Variants in DPP10 observed in about 807,000 individuals in gnomAD.
DPP10 encodes the protein inactive dipeptidyl peptidase 10.
Under a neutral mutation model 120.9 loss-of-function variants are expected in DPP10, and 33 were observed. That is an observed-to-expected ratio of 0.27 (90% CI 0.21 to 0.37). The LOEUF is 0.37. Ranked by LOEUF, DPP10 falls within the 10% of genes least tolerant of loss-of-function variation. The probability of loss-of-function intolerance (pLI) is 1.00; values close to 1 mark genes in which losing one functional copy is unlikely to be tolerated. For synonymous variants in DPP10, 337 were observed against 326.1 expected, an observed-to-expected ratio of 1.03 and a Z score of -0.36; for missense variants, 816 against 942.8, an observed-to-expected ratio of 0.87 and a Z score of 1.76.
At chr2:114,877,819 T>A (rs1691280767) in intron 1 of DPP10, among the ~76,000 whole-genome samples, 2 of 152,092 alleles carry the variant, frequency 1.3e-5, no homozygotes, top group African/African-American at 4.8e-5. Context: ...TGTGGGGGGC[T>A]CTTCTGCACA....
chr2:115,424,052 A>C (rs1386464726), intron 3 of DPP10, among the ~76,000 whole-genome samples: 2 of 152,254 alleles, frequency 1.3e-5, no homozygotes, highest in South Asian at 2.1e-4. Context: ...ATGGAGCCAC[A>C]GTCTCTGTTG....
chr2:115,153,603 ACT>A (rs1363384685), intron 1 of DPP10, among the ~76,000 whole-genome samples: 12 of 152,106 alleles, frequency 7.9e-5, no homozygotes, highest in Admixed American at 7.8e-4. Flanking sequence ...CTGATATCTA[ACT>A]CTCTATCTAG....
At chr2:114,670,035 G>T (rs968128464) in intron 1 of DPP10, among the ~76,000 whole-genome samples, 1 of 152,116 alleles carries the variant, frequency 6.6e-6, no homozygotes, top group Non-Finnish European at 1.5e-5. Flanking sequence ...TGCTGGAGAG[G>T]ATGTGGAGAA....
intron 1 of DPP10, among the ~76,000 whole-genome samples, chr2:114,676,267 A>T (rs1698666687): frequency 6.6e-6 from 1 of 152,168 alleles, no homozygotes; most frequent in African/African-American, 2.4e-5. Context: ...GATTAATCTT[A>T]TTCTATGGAC....
At chr2:114,887,054 G>T (rs1247202870) in intron 1 of DPP10, among the ~76,000 whole-genome samples, 1 of 151,962 alleles carries the variant, frequency 6.6e-6, no homozygotes, top group Non-Finnish European at 1.5e-5. Flanking sequence ...ATCTAATTTT[G>T]TCCATTCCAC....
At chr2:115,294,434 GT>G (rs1180076565) in intron 1 of DPP10, among the ~76,000 whole-genome samples, 3 of 148,124 alleles carry the variant, frequency 2.0e-5, no homozygotes, top group South Asian at 2.1e-4. Flanking sequence ...TTTTGTTTTT[GT>G]TTTTTTTTGG....
At chr2:114,568,512 C>T (rs1430503233) in intron 1 of DPP10, among the ~76,000 whole-genome samples, 1 of 152,174 alleles carries the variant, frequency 6.6e-6, no homozygotes, top group African/African-American at 2.4e-5. Context: ...CAATTTGTGG[C>T]TCTAGTCCAC....
chr2:115,061,337 A>G (rs1185303445), intron 1 of DPP10, among the ~76,000 whole-genome samples: 1 of 152,168 alleles, frequency 6.6e-6, no homozygotes, highest in Non-Finnish European at 1.5e-5. Flanking sequence ...CTTTTTTTCA[A>G]TCATACCAAA....
At chr2:115,691,171 T>G (rs1448549846) in intron 7 of DPP10, among the ~76,000 whole-genome samples, 1 of 152,168 alleles carries the variant, frequency 6.6e-6, no homozygotes, top group Non-Finnish European at 1.5e-5. Context: ...ATACATTGTT[T>G]GGTCTATCTT....
intron 16 of DPP10, among the ~76,000 whole-genome samples, chr2:115,781,814 A>C (rs548885171): frequency 6.6e-6 from 1 of 152,214 alleles, no homozygotes; most frequent in Admixed American, 6.5e-5. Flanking sequence ...TTTCAAGATA[A>C]CTTTTTACAG....
intron 1 of DPP10, among the ~76,000 whole-genome samples, chr2:114,840,036 G>A (rs1688037035): frequency 1.3e-5 from 2 of 152,056 alleles, no homozygotes; most frequent in Non-Finnish European, 2.9e-5. Flanking sequence ...AGCTGAATTG[G>A]GGTAATATCT....
At chr2:114,707,255 T>C (rs530966659) in intron 1 of DPP10, 2 of 151,558 alleles carry the variant, frequency 1.3e-5, no homozygotes, top group African/African-American at 4.8e-5. Context: ...GCATTAGTAA[T>C]AGAGAAAAAA....
chr2:115,208,957 T>G (rs2056334311), intron 1 of DPP10, among the ~76,000 whole-genome samples: 1 of 152,196 alleles, frequency 6.6e-6, no homozygotes, highest in African/African-American at 2.4e-5. Flanking sequence ...GAAACTCTTT[T>G]GAAATTGGCT....
intron 1 of DPP10, among the ~76,000 whole-genome samples, chr2:115,301,345 A>C (rs2061121804): frequency 6.6e-6 from 1 of 151,828 alleles, no homozygotes; most frequent in South Asian, 2.1e-4. Context: ...TTCGTCTGAG[A>C]GCTCCAATTG....
intron 1 of DPP10, among the ~76,000 whole-genome samples, chr2:115,182,896 G>A (rs974439445): frequency 6.6e-6 from 1 of 152,060 alleles, no homozygotes; most frequent in African/African-American, 2.4e-5. Context: ...TAGGAACCAG[G>A]ATGTCCTGAG....
At chr2:115,151,436 G>T (rs2051548933) in intron 1 of DPP10, among the ~76,000 whole-genome samples, 1 of 143,520 alleles carries the variant, frequency 7.0e-6, no homozygotes, top group African/African-American at 2.5e-5. Flanking sequence ...TTTTGAGACA[G>T]AGTCTTGCAC....
chr2:114,668,318 G>T (rs1437302686), intron 1 of DPP10, among the ~76,000 whole-genome samples: 1 of 152,016 alleles, frequency 6.6e-6, no homozygotes, highest in Non-Finnish European at 1.5e-5. Context: ...CAGGAGCTGT[G>T]TTATCCAAGA....
intron 3 of DPP10, among the ~76,000 whole-genome samples, chr2:115,358,255 C>G (rs2064536049): frequency 6.6e-6 from 1 of 152,150 alleles, no homozygotes; most frequent in Non-Finnish European, 1.5e-5. Flanking sequence ...GAAATTTCTG[C>G]TGCCAGATAT....
At chr2:115,534,894 A>G (rs1462674697) in intron 5 of DPP10, among the ~76,000 whole-genome samples, 3 of 151,754 alleles carry the variant, frequency 2.0e-5, no homozygotes, top group Admixed American at 6.6e-5. Context: ...GTGTTTTTTG[A>G]CTGCATAAAT....
Sources: allele counts gnomAD v4.1 joint callset (sites outside exome capture counted in the v4.1 genomes callset), GRCh38; gene constraint gnomAD v4.1.1; transcripts MANE v1.5; gene names NCBI Gene and HGNC (gene_info 2026-07-23, HGNC 2026-07-21).